Variants in DAPK1 observed in about 807,000 individuals in gnomAD.
DAPK1 encodes the protein death-associated protein kinase 1.
In DAPK1, 56 loss-of-function variants were observed where a neutral mutation model predicts 144.9. The ratio of observed to expected loss-of-function variants is 0.39; its 90% CI spans 0.31 to 0.48. The LOEUF (loss-of-function observed/expected upper bound fraction) is 0.48, where lower values mean the gene tolerates loss of function less well. Ranked by LOEUF, DAPK1 falls within the 20% of genes least tolerant of loss-of-function variation. DAPK1 has a pLI of 0.95. For synonymous variants in DAPK1, 690 were observed against 749.0 expected, an observed-to-expected ratio of 0.92 and a Z score of 1.29; for missense variants, 1,454 against 1,875.4, an observed-to-expected ratio of 0.78 and a Z score of 4.15.
intron 2 of DAPK1, among the ~76,000 whole-genome samples, chr9:87,505,943 C>T (rs1401693237): frequency 6.6e-6 from 1 of 152,236 alleles, no homozygotes; most frequent in African/African-American, 2.4e-5. Flanking sequence ...CCGTCTCGGC[C>T]TCCCAAAGTG....
At chr9:87,611,480 A>G (rs539786812) in intron 3 of DAPK1, among the ~76,000 whole-genome samples, 1 of 152,158 alleles carries the variant, frequency 6.6e-6, no homozygotes, top group South Asian at 2.1e-4. Context: ...TTTTCTTGAG[A>G]CAGGGTCTCA....
At chr9:87,632,342 G>A (rs1829724417) in intron 3 of DAPK1, 2 of 983,828 alleles carry the variant, frequency 2.0e-6, no homozygotes, top group Non-Finnish European at 2.4e-6. Flanking sequence ...CAAGGAGGAT[G>A]AGTACATATG....
chr9:87,499,412 A>G, intron 2 of DAPK1: 1 of 460,898 alleles, frequency 2.2e-6, no homozygotes, highest in South Asian at 6.0e-5. Context: ...TGTCCGTGCT[A>G]ACTCTTGTCA....
chr9:87,511,668 T>TTGTGTGTGTGTGTGTG (rs59377718), intron 2 of DAPK1, among the ~76,000 whole-genome samples: 1,832 of 140,686 alleles, frequency 0.013, 29 homozygotes, highest in East Asian at 0.041. Flanking sequence ...TCTTTTTCTT[T>TTGTGTGTGTGTGTGTG]TGTGTGTGTG....
intron 3 of DAPK1, among the ~76,000 whole-genome samples, chr9:87,622,836 G>A (rs559724595): frequency 3.0e-4 from 45 of 152,134 alleles, no homozygotes; most frequent in Middle Eastern, 6.8e-3. Context: ...GCTAGAACCC[G>A]GGAGGTGGCG....
intron 2 of DAPK1, among the ~76,000 whole-genome samples, chr9:87,597,971 G>A (rs1050154297): frequency 1.3e-5 from 2 of 152,154 alleles, no homozygotes; most frequent in East Asian, 1.9e-4. Flanking sequence ...CAGCAACTGC[G>A]TCCCCTTTTT....
chr9:87,581,765 CTT>C (rs1258382387), intron 2 of DAPK1, among the ~76,000 whole-genome samples: 1 of 152,196 alleles, frequency 6.6e-6, no homozygotes, highest in Non-Finnish European at 1.5e-5. Flanking sequence ...CTTGGAGAAA[CTT>C]TGCTACACAG....
chr9:87,571,470 CACACCA>C lies in DAPK1; in HGVS notation c.63-33479_63-33474del, dbSNP rs1341039970. Among the ~76,000 whole-genome samples, 74 of 53,730 alleles carry C rather than the reference CACACCA, an allele frequency of 1.4e-3. 10 individuals are homozygous for C. Among genetic ancestry groups the C allele is most frequent in the African/African-American group, 6.1e-3 (68 of 11,102 alleles). 35.2% of individuals were successfully genotyped at this position (53,730 alleles called of 152,430 possible). On this transcript the variant is annotated intron_variant, in intron 2 of 25. Transcript: ENST00000408954. ...ACACACACACACACACACACACACACACACCAACACACACACACACACACCCCAACA... is the reference window on the plus strand; with the variant it reads ...ACACACACACACACACACACACACACACACACACACACACACACCCCAACA...
Position 87,579,503 on chromosome 9 carries a change from G to A in DAPK1, c.63-25451G>A, listed in dbSNP as rs187135413. Among the ~76,000 whole-genome samples the A allele has an allele frequency of 1.1e-4, 16 of 152,264 alleles. No homozygotes were observed. In the East Asian group the frequency reaches 1.5e-3, roughly 15 times the overall value. ...CCGGAAAAGTGGTGGGGAAATGGTA[G>A]ATCCATCATAGTTTTAAAGCTGCTT... On this transcript the variant is annotated intron_variant, in intron 2 of 25. Transcript: ENST00000408954.
intron 2 of DAPK1, among the ~76,000 whole-genome samples, chr9:87,568,936 G>A (rs767771770): frequency 6.6e-6 from 1 of 152,168 alleles, no homozygotes; most frequent in African/African-American, 2.4e-5. Context: ...ACTGAGAAAG[G>A]AATTTTAGAG....
At chr9:87,536,623 CATAA>C (rs1025243815) in intron 2 of DAPK1, among the ~76,000 whole-genome samples, 4 of 152,116 alleles carry the variant, frequency 2.6e-5, no homozygotes, top group African/African-American at 9.7e-5. Flanking sequence ...TTTGTTATTG[CATAA>C]ATAAATAAAT....
intron 2 of DAPK1, among the ~76,000 whole-genome samples, chr9:87,600,769 G>A (rs1017934504): frequency 1.3e-5 from 2 of 152,124 alleles, no homozygotes; most frequent in African/African-American, 2.4e-5. Context: ...TGTATTAATG[G>A]TAATTAATTA....
intron 24 of DAPK1, among the ~76,000 whole-genome samples, chr9:87,702,586 T>A (rs1352600680): frequency 6.6e-6 from 1 of 152,166 alleles, no homozygotes; most frequent in African/African-American, 2.4e-5. Context: ...TGGTGAACAT[T>A]AGTTGATTGA....
At chr9:87,537,160 G>A (rs1825887322) in intron 2 of DAPK1, among the ~76,000 whole-genome samples, 2 of 151,974 alleles carry the variant, frequency 1.3e-5, no homozygotes, top group South Asian at 4.1e-4. Context: ...CTAATTTTTT[G>A]TATTTTTAGT....
chr9:87,589,618 T>C lies in DAPK1; in HGVS notation c.63-15336T>C, dbSNP rs915237204. Among the ~76,000 whole-genome samples the C allele has an allele frequency of 1.3e-4, 20 of 152,180 alleles. 1 individual carries two copies. The highest frequency in any genetic ancestry group is 4.8e-4 in the African/African-American group (20 of 41,446). The stretch of plus-strand genomic sequence containing the variant: ...CCCAATCCTGTACTTGTGAGGTTCA[T>C]TTCTTTGAACCCAAATACAGAAATT... On this transcript the variant is annotated intron_variant, in intron 2 of 25. Transcript: ENST00000408954.
intron 19 of DAPK1, among the ~76,000 whole-genome samples, chr9:87,677,946 C>G (rs1393332959): frequency 2.6e-5 from 4 of 152,188 alleles, no homozygotes; most frequent in African/African-American, 9.7e-5. Flanking sequence ...TTCCTTCCAG[C>G]CTGACAGGTG....
At position 87,703,021 on chromosome 9, in the gene DAPK1, C is replaced by G; in HGVS notation, c.2872-8C>G. 6.8e-7 allele frequency: 1 copy of G among 1,476,860 alleles called. No individual in the cohort carries two copies. Among genetic ancestry groups the G allele is most frequent in the South Asian group, 1.1e-5 (1 of 88,026 alleles). The allele number at this position is 1,476,860 out of a possible 1,614,324, so 91.5% of individuals were successfully genotyped here. On this transcript the variant is annotated splice_polypyrimidine_tract_variant and splice_region_variant and intron_variant, in intron 24 of 25. Coordinates refer to ENST00000408954, the MANE Select transcript of DAPK1 (RefSeq NM_004938.4). Reference sequence around the variant, plus strand: ...GTGAGTTAACCTGTCTGGCCCTGCCCCCTCTAGGTCTGTCCTCCCATGACT... The same window carrying G: ...GTGAGTTAACCTGTCTGGCCCTGCCGCCTCTAGGTCTGTCCTCCCATGACT...
chr9:87,694,880 C>T (rs951429048), intron 21 of DAPK1, among the ~76,000 whole-genome samples: 8 of 152,142 alleles, frequency 5.3e-5, no homozygotes, highest in African/African-American at 1.4e-4. Flanking sequence ...TCAGAGAGTG[C>T]GTGGGAGCCA....
chr9:87,695,439 G>T (rs1027828208), intron 21 of DAPK1, among the ~76,000 whole-genome samples: 35 of 152,228 alleles, frequency 2.3e-4, no homozygotes, highest in Non-Finnish European at 8.8e-5. Flanking sequence ...GTCCTGGCAG[G>T]ATGTGGCAGT....
Sources: gnomAD v4.1 joint callset for allele counts (sites outside exome capture counted in the v4.1 genomes callset) on GRCh38, gnomAD v4.1.1 for gene constraint, MANE v1.5 for transcripts, NCBI Gene and HGNC (gene_info 2026-07-23, HGNC 2026-07-21) for gene names.